The following PTPN4 variants were observed in gnomAD, a reference collection of about 807,000 sequenced individuals.
PTPN4 encodes protein tyrosine phosphatase non-receptor type 4, also known as tyrosine-protein phosphatase non-receptor type 4.
A neutral mutation model predicts 135.5 loss-of-function variants in PTPN4; 49 were observed. The observed-to-expected ratio is 0.36, with a 90% CI of 0.29 to 0.46. The LOEUF is 0.46. Ranked by LOEUF, PTPN4 falls within the 20% of genes least tolerant of loss-of-function variation. The pLI is 1.00. For missense variants in PTPN4, 860 were observed against 1,101.0 expected (o/e 0.78, Z 3.10); for synonymous variants, 333 against 369.9 (o/e 0.90, Z 1.14).
chr2:119,943,828 G>T (rs187659751), intron 15 of PTPN4, among the ~76,000 whole-genome samples: 19 of 151,728 alleles, frequency 1.3e-4, no homozygotes, highest in Admixed American at 9.8e-4. Flanking sequence ...TCCTGACCTC[G>T]TGATCCGCCC....
chr2:119,817,965 C>T (rs1677013119), intron 2 of PTPN4, among the ~76,000 whole-genome samples: 1 of 152,010 alleles, frequency 6.6e-6, no homozygotes, highest in South Asian at 2.1e-4. Flanking sequence ...CTTGGCTTGA[C>T]TCTTGTTGGT....
At chr2:119,852,285 T>TTA (rs1421433892) in intron 2 of PTPN4, among the ~76,000 whole-genome samples, 1 of 152,212 alleles carries the variant, frequency 6.6e-6, no homozygotes, top group Non-Finnish European at 1.5e-5. Flanking sequence ...GGGGATCAGC[T>TTA]TAGGTTGTGC....
intron 2 of PTPN4, among the ~76,000 whole-genome samples, chr2:119,830,688 G>A (rs545773978): frequency 1.3e-5 from 2 of 151,998 alleles, no homozygotes; most frequent in Admixed American, 6.5e-5. Flanking sequence ...AGCTGGTCTC[G>A]AGCTCCTGAC....
intron 26 of PTPN4, among the ~76,000 whole-genome samples, chr2:119,972,936 C>A (rs1679558003): frequency 6.6e-6 from 1 of 151,900 alleles, no homozygotes; most frequent in Non-Finnish European, 1.5e-5. Flanking sequence ...TATATGTTGC[C>A]TGATTTGATT....
At chr2:119,810,233 T>C (rs72969141) in intron 2 of PTPN4, among the ~76,000 whole-genome samples, 6 of 152,184 alleles carry the variant, frequency 3.9e-5, no homozygotes, top group Admixed American at 3.9e-4. Context: ...GTAGAGCAGA[T>C]CCATAGTATG....
chr2:119,767,484 G>T (rs868704084), intron 1 of PTPN4, among the ~76,000 whole-genome samples: 1 of 152,066 alleles, frequency 6.6e-6, no homozygotes, highest in African/African-American at 2.4e-5. Context: ...CTACCTTCAG[G>T]TCGAACCTAG....
intron 1 of PTPN4, among the ~76,000 whole-genome samples, chr2:119,786,536 G>A (rs1039295031): frequency 1.3e-5 from 2 of 152,182 alleles, no homozygotes; most frequent in African/African-American, 4.8e-5. Flanking sequence ...TCTGAGCAGA[G>A]ATTCTGTCAG....
At chr2:119,973,220 T>C (rs1248667748) in intron 26 of PTPN4, among the ~76,000 whole-genome samples, 5 of 152,144 alleles carry the variant, frequency 3.3e-5, no homozygotes, top group African/African-American at 1.2e-4. Flanking sequence ...TCCTATGAGT[T>C]TGACTACTCT....
At chr2:119,774,183 C>T (rs1347039378) in intron 1 of PTPN4, among the ~76,000 whole-genome samples, 1 of 152,066 alleles carries the variant, frequency 6.6e-6, no homozygotes, top group Admixed American at 6.6e-5. Context: ...AAATCATAAA[C>T]CTTGAATAAC....
At chr2:119,866,270 AATT>A (rs1362491172) in intron 3 of PTPN4, among the ~76,000 whole-genome samples, 1 of 152,038 alleles carries the variant, frequency 6.6e-6, no homozygotes, top group Non-Finnish European at 1.5e-5. Flanking sequence ...TATTAAATTG[AATT>A]ATACTGCTCT....
chr2:119,926,154 A>G (rs888958032), intron 12 of PTPN4, among the ~76,000 whole-genome samples: 2 of 152,238 alleles, frequency 1.3e-5, no homozygotes, highest in African/African-American at 4.8e-5. Flanking sequence ...ACAGTTAAGT[A>G]ATGAGAATGT....
At chr2:119,961,084 T>A in intron 23 of PTPN4, 131 bp downstream of exon 23, 1 of 1,135,278 alleles carries the variant, frequency 8.8e-7, no homozygotes, top group Non-Finnish European at 1.2e-6. Flanking sequence ...TTTCTTGTTT[T>A]AAATCATCAT....
intron 15 of PTPN4, among the ~76,000 whole-genome samples, chr2:119,937,477 C>G (rs181024815): frequency 5.3e-5 from 8 of 152,234 alleles, no homozygotes; most frequent in Non-Finnish European, 1.2e-4. Context: ...AGACCACAGT[C>G]TACAACACAG....
In PTPN4 at chr2:119,981,728, AGT is replaced by A. The variant is rs1360675892; in HGVS notation, c.*4663_*4664del. On this transcript the variant is annotated 3_prime_UTR_variant, in exon 27 of 27. Transcript: ENST00000263708. ...TTCATTGATACTCAGCAATTACTACAGTGTGTCTTACAATGTTATAAAAAACA... is the reference window on the plus strand; with the variant it reads ...TTCATTGATACTCAGCAATTACTACAGTGTCTTACAATGTTATAAAAAACA... The A allele has an allele frequency of 6.6e-6, 1 of 151,922 alleles. No individual in the cohort carries two copies. Among genetic ancestry groups the A allele is most frequent in the Admixed American group, 6.6e-5 (1 of 15,252 alleles). The allele number at this position is 151,922 out of a possible 1,614,324, so 9.4% of individuals were successfully genotyped here. A position where few individuals can be genotyped will look rare whatever the true frequency, so the allele number is the denominator to read the frequency against.
In PTPN4 at chr2:119,858,711, C is replaced by T. The variant is rs1677716644; in HGVS notation, c.139-3825C>T. Among the ~76,000 whole-genome samples, 3 of 151,848 alleles carry T rather than the reference C, an allele frequency of 2.0e-5. No individual in the cohort carries two copies. In the South Asian group the frequency reaches 6.2e-4, roughly 32 times the overall value. ...TTGCCCAGGCTGGAGTGCAGTGGTG[C>T]CATCTCTGCCTCCCAGGTTCAAGCG... On this transcript the variant is annotated intron_variant, in intron 2 of 26. Transcript: ENST00000263708.
At chr2:119,772,790 C>T (rs559736969) in intron 1 of PTPN4, among the ~76,000 whole-genome samples, 54 of 152,266 alleles carry the variant, frequency 3.5e-4, no homozygotes, top group African/African-American at 1.3e-3. Flanking sequence ...CCACCTGCCT[C>T]GGCCTCCCAA....
intron 3 of PTPN4, among the ~76,000 whole-genome samples, chr2:119,868,763 G>T (rs911412209): frequency 2.6e-5 from 4 of 152,124 alleles, no homozygotes; most frequent in African/African-American, 9.7e-5. Context: ...GATACTTTTA[G>T]TTGATTTAAT....
intron 10 of PTPN4, among the ~76,000 whole-genome samples, chr2:119,914,004 A>G (rs35661398): frequency 1.3e-5 from 2 of 152,170 alleles, no homozygotes; most frequent in Non-Finnish European, 2.9e-5. Context: ...TAAAAGTTAT[A>G]CAAAATATAT....
rs564921455 is a variant in PTPN4, at chr2:119,820,151, G to A, written c.138+10160G>A. 4.1e-4 allele frequency among the ~76,000 whole-genome samples: 62 copies of A among 152,272 alleles called. No individual in the cohort carries two copies. The South Asian group carries it at 0.013, about 31-fold the overall frequency. Reference sequence around the variant, plus strand: ...GCTGGAATTATAGGCATGAGCCGCGGTGCCTGGCCTATTTGGCTCTTAAAT... The same window carrying A: ...GCTGGAATTATAGGCATGAGCCGCGATGCCTGGCCTATTTGGCTCTTAAAT... On this transcript the variant is annotated intron_variant, in intron 2 of 26. Coordinates refer to ENST00000263708, the MANE Select transcript of PTPN4 (RefSeq NM_002830.4).
Sources: gnomAD v4.1 joint callset for allele counts (sites outside exome capture counted in the v4.1 genomes callset) on GRCh38, gnomAD v4.1.1 for gene constraint, MANE v1.5 for transcripts, NCBI Gene and HGNC (gene_info 2026-07-23, HGNC 2026-07-21) for gene names.